Variants in SYN2 observed in about 807,000 individuals in gnomAD.
The protein encoded by SYN2 is synapsin-2.
A neutral mutation model predicts 50.9 loss-of-function variants in SYN2; 19 were observed. The observed-to-expected ratio is 0.37, with a 90% CI of 0.26 to 0.55. The LOEUF is 0.55. SYN2 is among the 20% of genes least tolerant of loss of function. SYN2 has a pLI of 0.81. For synonymous variants in SYN2, 255 were observed against 224.9 expected (o/e 1.13, Z -1.20); for missense variants, 587 against 576.4 (o/e 1.02, Z -0.19).
intron 1 of SYN2, among the ~76,000 whole-genome samples, chr3:12,108,604 C>G (rs574292543): frequency 6.6e-6 from 1 of 152,120 alleles, no homozygotes; most frequent in Non-Finnish European, 1.5e-5. Flanking sequence ...CGGTTCCATT[C>G]TTTTTAAATA....
At chr3:12,088,181 C>A (rs1695752031) in intron 1 of SYN2, among the ~76,000 whole-genome samples, 2 of 151,092 alleles carry the variant, frequency 1.3e-5, no homozygotes, top group Non-Finnish European at 2.9e-5. Flanking sequence ...CGGTTAATAT[C>A]CAAAATATAT....
chr3:12,030,487 G>A (rs1176521536), intron 1 of SYN2, among the ~76,000 whole-genome samples: 3 of 149,698 alleles, frequency 2.0e-5, no homozygotes, highest in South Asian at 2.2e-4. Context: ...GGTAGAATTC[G>A]GCTGTGAATC....
chr3:12,019,571 A>T (rs1694088716), intron 1 of SYN2, among the ~76,000 whole-genome samples: 1 of 152,184 alleles, frequency 6.6e-6, no homozygotes, highest in South Asian at 2.1e-4. Context: ...ATGGGATGAG[A>T]CTAATTTTCC....
intron 11 of SYN2, chr3:12,183,934 T>G (rs1483271993): frequency 4.0e-6 from 4 of 992,014 alleles, no homozygotes; most frequent in Non-Finnish European, 4.8e-6. Flanking sequence ...CTTTTCGCTT[T>G]CTTTCTGCAT....
chr3:12,140,744 A>G (rs752845281), intron 2 of SYN2, 36 bp downstream of exon 2: 3 of 735,896 alleles, frequency 4.1e-6, no homozygotes, highest in Non-Finnish European at 7.6e-6. Context: ...CATCCCCGTC[A>G]TCACAGTTTC....
chr3:12,165,079 C>T (rs1484468562), intron 7 of SYN2, among the ~76,000 whole-genome samples: 1 of 149,982 alleles, frequency 6.7e-6, no homozygotes, highest in African/African-American at 2.5e-5. Context: ...CTCCGCCTCC[C>T]TGGTTCAAGC....
chr3:12,124,424 G>T (rs1447264289), intron 1 of SYN2, among the ~76,000 whole-genome samples: 1 of 151,882 alleles, frequency 6.6e-6, no homozygotes, highest in Non-Finnish European at 1.5e-5. Flanking sequence ...AAGAAGTTAA[G>T]GCTAACCACA....
At chr3:12,158,680 A>G (rs778955295) in intron 5 of SYN2, 75 of 1,608,612 alleles carry the variant, frequency 4.7e-5, no homozygotes, top group Non-Finnish European at 6.2e-5. Context: ...CCTGCTGTGG[A>G]CCTCGCGGAC....
chr3:12,060,422 C>T (rs1266908563), intron 1 of SYN2, among the ~76,000 whole-genome samples: 1 of 152,146 alleles, frequency 6.6e-6, no homozygotes, highest in African/African-American at 2.4e-5. Flanking sequence ...TTCTCTGACT[C>T]CAGCCCCCTC....
At chr3:12,066,715 G>C (rs147001541) in intron 1 of SYN2, among the ~76,000 whole-genome samples, 5 of 152,240 alleles carry the variant, frequency 3.3e-5, no homozygotes, top group Admixed American at 2.6e-4. Context: ...TCAGAACATA[G>C]AGCAGTTCTG....
intron 10 of SYN2, 64 bp from the exon 11 acceptor site, chr3:12,183,248 G>C: frequency 6.4e-7 from 1 of 1,557,442 alleles, no homozygotes; most frequent in Admixed American, 2.1e-5. Context: ...GGAGCCACGT[G>C]GTTTCTCTTT....
chr3:12,141,015 C>T (rs1214653814), intron 2 of SYN2, among the ~76,000 whole-genome samples: 3 of 152,036 alleles, frequency 2.0e-5, no homozygotes, highest in African/African-American at 7.2e-5. Flanking sequence ...CTTTAGAGGG[C>T]TTCCCAGAAT....
intron 11 of SYN2, chr3:12,184,848 T>A: frequency 6.1e-6 from 6 of 985,742 alleles, no homozygotes; most frequent in Non-Finnish European, 7.2e-6. Flanking sequence ...ACAAACACCA[T>A]GGTCCGTGGA....
intron 1 of SYN2, among the ~76,000 whole-genome samples, chr3:12,047,859 T>C (rs1409146492): frequency 6.6e-6 from 1 of 152,236 alleles, no homozygotes; most frequent in Non-Finnish European, 1.5e-5. Context: ...TTCTGTTTAA[T>C]TTGAAGAAAG....
chr3:12,135,802 T>C (rs1696883851), intron 1 of SYN2, among the ~76,000 whole-genome samples: 1 of 152,156 alleles, frequency 6.6e-6, no homozygotes, highest in South Asian at 2.1e-4. Context: ...CCACCACTCC[T>C]AACATCCCAG....
rs894928122 is a variant in SYN2, at chr3:12,114,100, A to G, written c.378-26551A>G. 7.9e-5 allele frequency among the ~76,000 whole-genome samples: 12 copies of G among 152,004 alleles called. No homozygotes were observed. In the East Asian group the frequency reaches 2.1e-3, roughly 27 times the overall value. On this transcript the variant is annotated intron_variant, in intron 1 of 12. Transcript: ENST00000621198. The stretch of plus-strand genomic sequence containing the variant: ...ACAAGCTTGCCACCACTTGTTGGCA[A>G]TAGACAATAGTCCATCTTTTTTTTT...
At chr3:12,168,345 C>G (rs1186360257) in intron 8 of SYN2, 31 bp from the exon 9 acceptor site, 3 of 1,592,220 alleles carry the variant, frequency 1.9e-6, no homozygotes, top group Non-Finnish European at 2.6e-6. Flanking sequence ...CGAATTGCCC[C>G]AGCTTCAGGA....
intron 5 of SYN2, chr3:12,154,342 C>T: frequency 1.9e-6 from 3 of 1,614,200 alleles, no homozygotes; most frequent in Non-Finnish European, 2.5e-6. Context: ...AGCCACAGTT[C>T]AGATGGTAGT....
intron 1 of SYN2, among the ~76,000 whole-genome samples, chr3:12,104,714 G>C (rs974479969): frequency 2.0e-5 from 3 of 151,010 alleles, no homozygotes; most frequent in African/African-American, 7.3e-5. Flanking sequence ...TGGAATTACA[G>C]GCACCTGCCA....
Sources: gnomAD v4.1 joint callset for allele counts (sites outside exome capture counted in the v4.1 genomes callset) on GRCh38, gnomAD v4.1.1 for gene constraint, MANE v1.5 for transcripts, NCBI Gene and HGNC (gene_info 2026-07-23, HGNC 2026-07-21) for gene names.